KYNU: variants seen among roughly 807,000 people sequenced by gnomAD.
KYNU encodes the protein kynureninase.
Under a neutral mutation model 59.2 loss-of-function variants are expected in KYNU, and 54 were observed. That is an observed-to-expected ratio of 0.91 (90% CI 0.73 to 1.14). The LOEUF is 1.14. Among genes scored for constraint, KYNU ranks in the 50% most tolerant of loss-of-function variants. The probability of loss-of-function intolerance (pLI) is 0.00; values close to 1 mark genes in which losing one functional copy is unlikely to be tolerated. For synonymous variants in KYNU, 177 were observed against 192.0 expected, an observed-to-expected ratio of 0.92 and a Z score of 0.65; for missense variants, 567 against 554.4, an observed-to-expected ratio of 1.02 and a Z score of -0.23.
At chr2:142,908,674 G>T (rs538413321) in intron 2 of KYNU, among the ~76,000 whole-genome samples, 1 of 150,056 alleles carries the variant, frequency 6.7e-6, no homozygotes, top group Non-Finnish European at 1.5e-5. Context: ...TTGCTCTGTT[G>T]CCCAGGCTTG....
intron 12 of KYNU, among the ~76,000 whole-genome samples, chr2:143,039,544 T>C (rs1686976412): frequency 1.3e-5 from 2 of 152,064 alleles, no homozygotes; most frequent in Non-Finnish European, 2.9e-5. Flanking sequence ...CCGGACCAAA[T>C]TGAGGGTTGG....
At chr2:142,998,100 CG>C (rs1390547341) in intron 10 of KYNU, among the ~76,000 whole-genome samples, 2 of 152,214 alleles carry the variant, frequency 1.3e-5, no homozygotes, top group African/African-American at 4.8e-5. Context: ...TCTTCCAACA[CG>C]TTACTTCTCT....
At chr2:142,933,043 G>A (rs780533889) in intron 4 of KYNU, among the ~76,000 whole-genome samples, 1 of 152,172 alleles carries the variant, frequency 6.6e-6, no homozygotes, top group African/African-American at 2.4e-5. Context: ...GCAGAGATGA[G>A]ACTAGTACAC....
At chr2:142,995,990 TG>T (rs1685527840) in intron 10 of KYNU, among the ~76,000 whole-genome samples, 1 of 152,122 alleles carries the variant, frequency 6.6e-6, no homozygotes, top group Admixed American at 6.6e-5. Context: ...CTGCTTGCAC[TG>T]TACCAAACGT....
At chr2:142,920,683 C>T (rs1384898577) in intron 3 of KYNU, among the ~76,000 whole-genome samples, 1 of 152,142 alleles carries the variant, frequency 6.6e-6, no homozygotes, top group East Asian at 1.9e-4. Context: ...TTCAGAAAGG[C>T]TGTATATTTT....
Position 142,928,652 on chromosome 2 carries a change from T to C in KYNU, c.373+911T>C, listed in dbSNP as rs78990708. On this transcript the variant is annotated intron_variant, in intron 4 of 13. Transcript: ENST00000264170. Reference sequence around the variant, plus strand: ...TAAAATCTGGAGACTATCTTGTTTATTTAAAAAGTAATTATTGATTTTTTG... The same window carrying C: ...TAAAATCTGGAGACTATCTTGTTTACTTAAAAAGTAATTATTGATTTTTTG... 6.0e-4 allele frequency among the ~76,000 whole-genome samples: 92 copies of C among 152,256 alleles called. 1 individual carries two copies. The East Asian group carries it at 0.017, about 28-fold the overall frequency.
At chr2:142,888,887 CAAACTTAG>C (rs1229132372) in intron 2 of KYNU, among the ~76,000 whole-genome samples, 2 of 148,474 alleles carry the variant, frequency 1.3e-5, no homozygotes, top group Non-Finnish European at 3.0e-5. Context: ...AGATAATAAC[CAAACTTAG>C]AAACAATTAT....
chr2:142,938,076 TC>T (rs1683456387), intron 4 of KYNU, among the ~76,000 whole-genome samples: 1 of 152,186 alleles, frequency 6.6e-6, no homozygotes, highest in African/African-American at 2.4e-5. Flanking sequence ...AGAGGGTACC[TC>T]CTCATGCTGG....
intron 2 of KYNU, among the ~76,000 whole-genome samples, chr2:142,915,796 G>T (rs908890177): frequency 1.3e-5 from 2 of 152,196 alleles, no homozygotes; most frequent in African/African-American, 4.8e-5. Context: ...GAACTTTTAA[G>T]CAGAGTGCTA....
At chr2:142,905,036 C>G (rs962695064) in intron 2 of KYNU, among the ~76,000 whole-genome samples, 1 of 152,188 alleles carries the variant, frequency 6.6e-6, no homozygotes, top group African/African-American at 2.4e-5. Context: ...AACAACAGTT[C>G]TTATGCAAAT....
intron 13 of KYNU, 45 bp from the exon 14 acceptor site, chr2:143,042,002 T>C (rs373617701): frequency 3.1e-6 from 5 of 1,597,042 alleles, no homozygotes; most frequent in Non-Finnish European, 4.3e-6. Context: ...ATTTTCAACG[T>C]GTGAATAATG....
At chr2:142,924,271 A>AT (rs1682980576) in intron 3 of KYNU, among the ~76,000 whole-genome samples, 1 of 151,630 alleles carries the variant, frequency 6.6e-6, no homozygotes. Context: ...AGCCTGGTTA[A>AT]TTTTTTCTTT....
intron 2 of KYNU, among the ~76,000 whole-genome samples, chr2:142,890,406 G>A (rs912298703): frequency 3.9e-5 from 6 of 152,150 alleles, no homozygotes; most frequent in Non-Finnish European, 7.4e-5. Flanking sequence ...CCAGAAACAA[G>A]TTGTGCAAAT....
intron 2 of KYNU, among the ~76,000 whole-genome samples, chr2:142,898,103 C>T (rs936881510): frequency 6.6e-6 from 1 of 152,136 alleles, no homozygotes; most frequent in African/African-American, 2.4e-5. Context: ...CAGTGTCCAG[C>T]TCCTGGGCTC....
chr2:143,013,298 C>CTCTCTGTGTGTGTGTGTG lies in KYNU; in HGVS notation c.903-16328_903-16327insCTCTGTGTGTGTGTGTGT, dbSNP rs72349700. The stretch of plus-strand genomic sequence containing the variant: ...TCTCTCTGTTTCTCTGTCTCTTTCT[C>CTCTCTGTGTGTGTGTGTG]TGTGTGTGTGTGTGTGTGTGTCCAT... On this transcript the variant is annotated intron_variant, in intron 10 of 13. Coordinates refer to ENST00000264170, the MANE Select transcript of KYNU (RefSeq NM_003937.3). 6.8e-3 allele frequency among the ~76,000 whole-genome samples: 1,011 copies of CTCTCTGTGTGTGTGTGTG among 149,562 alleles called. 13 individuals are homozygous for CTCTCTGTGTGTGTGTGTG. Among genetic ancestry groups the CTCTCTGTGTGTGTGTGTG allele is most frequent in the African/African-American group, 0.023 (943 of 40,564 alleles).
Position 143,050,035 on chromosome 2 carries a change from A to G in KYNU, c.*7863A>G, listed in dbSNP as rs1687236658. 1 of 147,984 alleles carries G rather than the reference A, an allele frequency of 6.8e-6. No individual in the cohort carries two copies. Among genetic ancestry groups the G allele is most frequent in the African/African-American group, 2.4e-5 (1 of 40,858 alleles). 9.2% of individuals were successfully genotyped at this position (147,984 alleles called of 1,614,324 possible). A position where few individuals can be genotyped will look rare whatever the true frequency, so the allele number is the denominator to read the frequency against. ...ATATATAATATATAAACATATATTT[A>G]TATAAAATAAAAACATATAAAATAT... On this transcript the variant is annotated 3_prime_UTR_variant, in exon 14 of 14. Coordinates refer to ENST00000264170, the MANE Select transcript of KYNU (RefSeq NM_003937.3).
At chr2:143,022,827 G>A (rs1051594447) in intron 10 of KYNU, among the ~76,000 whole-genome samples, 1 of 151,660 alleles carries the variant, frequency 6.6e-6, no homozygotes, top group African/African-American at 2.4e-5. Flanking sequence ...TCCCTATTTT[G>A]TGAATATCCT....
At chr2:142,956,946 C>T (rs192017596) in intron 6 of KYNU, among the ~76,000 whole-genome samples, 190 of 152,144 alleles carry the variant, frequency 1.2e-3, no homozygotes, top group Non-Finnish European at 1.9e-3. Context: ...AGTCTGAGAA[C>T]AGCCTGGGCA....
intron 10 of KYNU, among the ~76,000 whole-genome samples, chr2:142,997,926 G>A (rs1016418326): frequency 6.6e-6 from 1 of 152,100 alleles, no homozygotes; most frequent in Non-Finnish European, 1.5e-5. Flanking sequence ...TAGATCCCCA[G>A]TGGCTTTCTC....
Sources: gnomAD v4.1 joint callset for allele counts (sites outside exome capture counted in the v4.1 genomes callset) on GRCh38, gnomAD v4.1.1 for gene constraint, MANE v1.5 for transcripts, NCBI Gene and HGNC (gene_info 2026-07-23, HGNC 2026-07-21) for gene names.